R3HCC1: variants seen among roughly 807,000 people sequenced by gnomAD.
R3HCC1 encodes the protein R3H and coiled-coil domain-containing protein 1.
A neutral mutation model predicts 40.0 loss-of-function variants in R3HCC1; 32 were observed. That is an observed-to-expected ratio of 0.80 (90% CI 0.60 to 1.07). The LOEUF is 1.07. Among genes scored for constraint, R3HCC1 ranks in the 50% least tolerant of loss-of-function variants. The pLI, the probability that R3HCC1 is intolerant of heterozygous loss-of-function variation, is 0.00. For synonymous variants in R3HCC1, 237 were observed against 232.8 expected, an observed-to-expected ratio of 1.02 and a Z score of -0.17; for missense variants, 586 against 563.3, an observed-to-expected ratio of 1.04 and a Z score of -0.41.
In R3HCC1 at chr8:23,290,404, G is replaced by C. The variant is rs747704033; in HGVS notation, c.787G>C (p.Glu263Gln). The C allele has an allele frequency of 1.0e-5, 16 of 1,551,618 alleles. No homozygotes were observed. Among genetic ancestry groups the C allele is most frequent in the Non-Finnish European group, 9.6e-6 (11 of 1,147,028 alleles). Residue 263 changes from glutamate to glutamine, a missense_variant, in exon 4 of 8, where the codon GAG (glutamate) becomes CAG (glutamine). Transcript: ENST00000265806. ...GGTGGCAGAGGAGGAAGAGGACGAA[G>C]AGGAGGTGGAAGAGGATGGCCCCAG...
intron 5 of R3HCC1, among the ~76,000 whole-genome samples, chr8:23,292,946 C>T (rs1054107761): frequency 2.0e-5 from 3 of 152,192 alleles, no homozygotes; most frequent in African/African-American, 7.2e-5. Flanking sequence ...CCACAGAAAC[C>T]CTTTCTTCCC....
chr8:23,291,168 A>T (rs1802858573), intron 4 of R3HCC1, 193 bp from the exon 5 acceptor site: 2 of 600,446 alleles, frequency 3.3e-6, no homozygotes, highest in Non-Finnish European at 5.6e-6. Flanking sequence ...GGGACTCCAT[A>T]CAAGTAAGTG....
At chr8:23,294,926 TGTGTGTGTGC>T (rs1448665976) in intron 7 of R3HCC1, 62 bp downstream of exon 7, 17 of 1,196,372 alleles carry the variant, frequency 1.4e-5, no homozygotes, top group Non-Finnish European at 2.1e-5. Flanking sequence ...TGCGAGCATG[TGTGTGTGTGC>T]GTGTGTGTGT....
chr8:23,293,769 G>A (rs982210119), intron 6 of R3HCC1, among the ~76,000 whole-genome samples: 2 of 152,136 alleles, frequency 1.3e-5, no homozygotes, highest in Admixed American at 6.5e-5. Context: ...CTCGATTTTC[G>A]CTTCAGCCTC....
At position 23,294,878 on chromosome 8, in the gene R3HCC1, A is replaced by G. The variant is rs182326737; in HGVS notation, c.1192+14A>G. 1,551 of 1,527,402 alleles carry G rather than the reference A, an allele frequency of 1.0e-3. 7 individuals are homozygous for G. In the Middle Eastern group the frequency reaches 0.011, roughly 11 times the overall value. The allele number at this position is 1,527,402 out of a possible 1,614,324, so 94.6% of individuals were successfully genotyped here. On this transcript the variant is annotated intron_variant, in intron 7 of 7. Transcript: ENST00000265806. ...TGCAGAGGCCAAGTAAGGAAAGCGCATGTCCCTGAATAGGGAGGCTGTGTG... is the reference window on the plus strand; with the variant it reads ...TGCAGAGGCCAAGTAAGGAAAGCGCGTGTCCCTGAATAGGGAGGCTGTGTG...
At chr8:23,288,439 G>A (rs1585331161) in intron 1 of R3HCC1, 67 bp from the exon 2 acceptor site, 2 of 1,520,412 alleles carry the variant, frequency 1.3e-6, no homozygotes, top group Admixed American at 2.0e-5. Flanking sequence ...CGGTGCCGGC[G>A]TTGCGGGGTC....
At chr8:23,294,901 G>GTGTGTGTGTGTGCGTGCGAGCA (rs745587040) in intron 7 of R3HCC1, 37 bp downstream of exon 7, 9 of 1,372,734 alleles carry the variant, frequency 6.6e-6, no homozygotes, top group Middle Eastern at 1.8e-4. Flanking sequence ...GGGAGGCTGT[G>GTGTGTGTGTGTGCGTGCGAGCA]TGTGTGTGTG....
chr8:23,288,918 A>C, intron 2 of R3HCC1, 98 bp from the exon 3 acceptor site: 2 of 1,355,732 alleles, frequency 1.5e-6, no homozygotes, highest in Non-Finnish European at 2.0e-6. Context: ...AGAGGGGCAG[A>C]AGGGAGCCCA....
chr8:23,294,797 G>C lies in R3HCC1; in HGVS notation c.1125G>C (p.Ser375=), dbSNP rs117222031. Residue 375 remains serine (S), a synonymous_variant, in exon 7 of 8, where the codon TCG becomes TCC. Coordinates refer to ENST00000265806, the MANE Select transcript of R3HCC1 (RefSeq NM_001136108.3). ...CGGAAGCCCTGACCCGGGAGTTCTC[G>C]GTGCTCAAGATCCGGCCCCTCACAC... The C allele has an allele frequency of 4.3e-5, 66 of 1,551,246 alleles. 2 individuals carry two copies. The Middle Eastern group carries it at 4.0e-3, about 94-fold the overall frequency.
At chr8:23,294,418 T>C (rs192213295) in intron 6 of R3HCC1, among the ~76,000 whole-genome samples, 44 of 152,326 alleles carry the variant, frequency 2.9e-4, no homozygotes, top group African/African-American at 9.4e-4. Context: ...GCATGTTCCC[T>C]GGAGGGTCTT....
rs767185746 is a variant in R3HCC1 at position 23,289,106 on chromosome 8, T to TGG, written c.204_205dup (p.Glu69GlyfsTer84). Reference sequence around the variant, plus strand: ...TTGATCTCTTGAGCAGCTTCTCCGTTGGGGAGGGCTGGAAGAGGAGGACGG... The same window carrying TGG: ...TTGATCTCTTGAGCAGCTTCTCCGTTGGGGGGAGGGCTGGAAGAGGAGGACGG... On this transcript the variant is annotated frameshift_variant, in exon 3 of 8. Coordinates refer to ENST00000265806, the MANE Select transcript of R3HCC1 (RefSeq NM_001136108.3). LOFTEE classifies it high-confidence loss of function. 10 of 1,536,338 alleles carry TGG rather than the reference T, an allele frequency of 6.5e-6. No homozygotes were observed. The highest frequency in any genetic ancestry group is 8.7e-6 in the Non-Finnish European group (10 of 1,146,940).
intron 6 of R3HCC1, among the ~76,000 whole-genome samples, chr8:23,294,347 C>T (rs1486945478): frequency 2.0e-5 from 3 of 152,222 alleles, no homozygotes; most frequent in African/African-American, 7.2e-5. Flanking sequence ...CAGCTCTGCT[C>T]TGCCATACTC....
At chr8:23,288,334 CA>C (rs1306444176) in intron 1 of R3HCC1, 171 bp from the exon 2 acceptor site, 1 of 1,129,828 alleles carries the variant, frequency 8.9e-7, no homozygotes, top group Non-Finnish European at 1.2e-6. Context: ...GGGCAGGAGC[CA>C]GGAGACCCCT....
rs189049187 is a variant in R3HCC1, at chr8:23,291,491, C to G, written c.983C>G (p.Ala328Gly). 6.4e-7 allele frequency: 1 copy of G among 1,551,504 alleles called. No individual in the cohort carries two copies. The highest frequency in any genetic ancestry group is 1.4e-5 in the African/African-American group (1 of 73,176). The change falls in exon 5 of 8, where the codon GCG becomes GGG. Residue 328 changes from alanine to glycine, a missense_variant. By Grantham distance (60) the Ala-to-Gly change is moderately conservative. Coordinates refer to ENST00000265806, the MANE Select transcript of R3HCC1 (RefSeq NM_001136108.3). ...GTAGAGATCTATGACTTTGAACCAG[C>G]GCTCAAGACGGAGGACCTGCTGGCA...
chr8:23,288,891 C>T, intron 2 of R3HCC1, 125 bp from the exon 3 acceptor site: 2 of 1,132,218 alleles, frequency 1.8e-6, no homozygotes, highest in South Asian at 3.0e-5. Flanking sequence ...AGATCCTTTG[C>T]AGTCCATCTG....
rs562685242 is a variant in R3HCC1, at chr8:23,291,198, C to T, written c.853-163C>T. 1.0e-4 allele frequency: 95 copies of T among 933,382 alleles called. 1 individual carries two copies. The East Asian group carries it at 2.4e-3, about 23-fold the overall frequency. The allele number at this position is 933,382 out of a possible 1,614,324, so 57.8% of individuals were successfully genotyped here. A position where few individuals can be genotyped will look rare whatever the true frequency, so the allele number is the denominator to read the frequency against. On this transcript the variant is annotated intron_variant, in intron 4 of 7. Transcript: ENST00000265806. ...TAAGTGCCCTCCCGTAAAACCCATG[C>T]GTCTTGACGTCTTGACCTTGCAGCC... is the stretch of plus-strand genomic sequence containing the variant.
Position 23,288,649 on chromosome 8 carries a change from G to A in R3HCC1, c.110+16G>A. 2.6e-6 allele frequency: 4 copies of A among 1,534,508 alleles called. No homozygotes were observed. The highest frequency in any genetic ancestry group is 2.0e-5 in the Admixed American group (1 of 50,982). ...AGCTGTCAAAGTAGGCTCATGTGAG[G>A]GGCGAGGGTGCCGCCTTGCTGGGAA... On this transcript the variant is annotated intron_variant, in intron 2 of 7. Coordinates refer to ENST00000265806, the MANE Select transcript of R3HCC1 (RefSeq NM_001136108.3).
At chr8:23,291,284 G>C (rs1223581525) in intron 4 of R3HCC1, 77 bp from the exon 5 acceptor site, 2 of 1,487,814 alleles carry the variant, frequency 1.3e-6, no homozygotes, top group African/African-American at 1.4e-5. Flanking sequence ...TCCCTGCAGA[G>C]CTCTCAGCGC....
chr8:23,295,312 T>G (rs1408144678), intron 7 of R3HCC1: 2 of 367,896 alleles, frequency 5.4e-6, no homozygotes, highest in Non-Finnish European at 1.1e-5. Flanking sequence ...ACTCAGTGTG[T>G]GAGTTGGTTT....
Sources: allele counts gnomAD v4.1 joint callset (sites outside exome capture counted in the v4.1 genomes callset), GRCh38; gene constraint gnomAD v4.1.1; transcripts MANE v1.5; gene names NCBI Gene and HGNC (gene_info 2026-07-23, HGNC 2026-07-21).